GRIN2A: variants seen among roughly 807,000 people sequenced by gnomAD.
GRIN2A encodes glutamate receptor ionotropic, NMDA 2A.
Under a neutral mutation model 113.4 loss-of-function variants are expected in GRIN2A, and 22 were observed. The observed-to-expected ratio is 0.19, with a 90% confidence interval of 0.14 to 0.28. The LOEUF (loss-of-function observed/expected upper bound fraction) is 0.28, where lower values mean the gene tolerates loss of function less well. Ranked by LOEUF, GRIN2A falls within the 10% of genes least tolerant of loss-of-function variation. GRIN2A has a pLI of 1.00. For synonymous variants in GRIN2A, 827 were observed against 738.4 expected, an observed-to-expected ratio of 1.12 and a Z score of -1.94; for missense variants, 1,502 against 1,887.0, an observed-to-expected ratio of 0.80 and a Z score of 3.78.
intron 2 of GRIN2A, among the ~76,000 whole-genome samples, chr16:10,088,830 A>G (rs754106353): frequency 1.3e-5 from 2 of 152,234 alleles, no homozygotes; most frequent in Admixed American, 6.5e-5. Flanking sequence ...GCAAGAAAAG[A>G]TAAGTCAGCA....
chr16:9,953,140 T>C (rs1189211345), intron 2 of GRIN2A, among the ~76,000 whole-genome samples: 2 of 152,170 alleles, frequency 1.3e-5, no homozygotes, highest in Admixed American at 1.3e-4. Flanking sequence ...GAGAAAGATC[T>C]GAACTAGGAT....
At chr16:10,042,395 T>C (rs1047821059) in intron 2 of GRIN2A, among the ~76,000 whole-genome samples, 5 of 151,366 alleles carry the variant, frequency 3.3e-5, no homozygotes, top group Non-Finnish European at 7.4e-5. Context: ...CACGGAGAGG[T>C]TCTCAAAATC....
At chr16:9,964,295 C>T (rs1314490331) in intron 2 of GRIN2A, among the ~76,000 whole-genome samples, 1 of 152,192 alleles carries the variant, frequency 6.6e-6, no homozygotes, top group Non-Finnish European at 1.5e-5. Flanking sequence ...CTGCATCTAC[C>T]ACTTGATAAA....
At chr16:9,819,406 A>G (rs764279951) in intron 10 of GRIN2A, among the ~76,000 whole-genome samples, 20 of 151,920 alleles carry the variant, frequency 1.3e-4, no homozygotes, top group Non-Finnish European at 2.4e-4. Context: ...CTGTAGTCCC[A>G]GCTACTCAGG....
chr16:9,804,998 G>T (rs1326424653), intron 10 of GRIN2A, among the ~76,000 whole-genome samples: 1 of 152,190 alleles, frequency 6.6e-6, no homozygotes, highest in Non-Finnish European at 1.5e-5. Flanking sequence ...CTTATTGACA[G>T]CTCTCAAGAG....
intron 2 of GRIN2A, among the ~76,000 whole-genome samples, chr16:9,941,014 G>A (rs551026782): frequency 1.3e-5 from 2 of 152,296 alleles, no homozygotes; most frequent in South Asian, 4.1e-4. Flanking sequence ...AAAGAAATGT[G>A]ATAGCTCCCA....
chr16:9,823,832 C>T (rs767529073), intron 9 of GRIN2A, among the ~76,000 whole-genome samples: 6 of 152,136 alleles, frequency 3.9e-5, no homozygotes, highest in Non-Finnish European at 8.8e-5. Context: ...CTCTATCATT[C>T]CTCAGAGACC....
At chr16:9,849,424 G>C (rs763358664) in intron 5 of GRIN2A, among the ~76,000 whole-genome samples, 17 of 151,956 alleles carry the variant, frequency 1.1e-4, no homozygotes, top group Non-Finnish European at 2.4e-4. Context: ...TGTGGAGTCA[G>C]TTGGACCACT....
In GRIN2A at chr16:9,969,307, C is replaced by T. The variant is rs116673511; in HGVS notation, c.415-30756G>A. On this transcript the variant is annotated intron_variant, in intron 2 of 12. Coordinates refer to ENST00000330684, the MANE Select transcript of GRIN2A (RefSeq NM_001134407.3). ...CCATTGCTGCCTGAAACATCTTTTTCTCCTTGTCCTTCTCTTATATCCCCC... is the reference window on the plus strand; with the variant it reads ...CCATTGCTGCCTGAAACATCTTTTTTTCCTTGTCCTTCTCTTATATCCCCC... Among the ~76,000 whole-genome samples the T allele has an allele frequency of 6.2e-3, 943 of 152,246 alleles. 13 individuals carry two copies. Among genetic ancestry groups the T allele is most frequent in the African/African-American group, 0.022 (905 of 41,552 alleles).
In GRIN2A at chr16:9,959,030, T is replaced by C. The variant is rs141520577; in HGVS notation, c.415-20479A>G. ...AAATGTTCAGCTTATGCCCCAAATT[T>C]TTACAACCATCTCCCTTTTAAGTCA... On this transcript the variant is annotated intron_variant, in intron 2 of 12. Coordinates refer to ENST00000330684, the MANE Select transcript of GRIN2A (RefSeq NM_001134407.3). Among the ~76,000 whole-genome samples, 11 of 152,278 alleles carry C rather than the reference T, an allele frequency of 7.2e-5. No homozygotes were observed. In the East Asian group the frequency reaches 2.1e-3, roughly 29 times the overall value.
At chr16:10,043,540 G>A (rs1371994071) in intron 2 of GRIN2A, among the ~76,000 whole-genome samples, 1 of 152,030 alleles carries the variant, frequency 6.6e-6, no homozygotes, top group Non-Finnish European at 1.5e-5. Flanking sequence ...CACTATATAT[G>A]GTATTGTTTC....
chr16:10,016,178 A>C (rs1254186266), intron 2 of GRIN2A, among the ~76,000 whole-genome samples: 1 of 150,856 alleles, frequency 6.6e-6, no homozygotes, highest in East Asian at 1.9e-4. Flanking sequence ...AACCCAGGGT[A>C]ATGTAAGAGG....
chr16:9,930,049 A>G (rs1393685259), intron 3 of GRIN2A, among the ~76,000 whole-genome samples: 2 of 152,140 alleles, frequency 1.3e-5, no homozygotes, highest in Non-Finnish European at 1.5e-5. Context: ...ACTTCCAGCC[A>G]TAAAAGGGAG....
At chr16:10,176,566 G>A (rs903702188) in intron 2 of GRIN2A, among the ~76,000 whole-genome samples, 1 of 152,018 alleles carries the variant, frequency 6.6e-6, no homozygotes, top group African/African-American at 2.4e-5. Context: ...GGATGAAGCT[G>A]GAAACCATCA....
At chr16:9,944,993 T>C (rs1374936664) in intron 2 of GRIN2A, among the ~76,000 whole-genome samples, 1 of 151,996 alleles carries the variant, frequency 6.6e-6, no homozygotes, top group Admixed American at 6.6e-5. Flanking sequence ...TTTACATTCT[T>C]AGGGGAGGAG....
intron 11 of GRIN2A, among the ~76,000 whole-genome samples, chr16:9,776,651 T>C (rs149055474): frequency 6.6e-6 from 1 of 152,162 alleles, no homozygotes; most frequent in Non-Finnish European, 1.5e-5. Context: ...GGGAACAGAC[T>C]TCCATCTATA....
chr16:10,066,737 T>C (rs570969689), intron 2 of GRIN2A, among the ~76,000 whole-genome samples: 2 of 152,212 alleles, frequency 1.3e-5, no homozygotes, highest in East Asian at 3.9e-4. Flanking sequence ...ATTGAGAAGG[T>C]TAAATGAGAT....
intron 2 of GRIN2A, among the ~76,000 whole-genome samples, chr16:10,136,208 G>C (rs1450564697): frequency 6.6e-6 from 1 of 152,162 alleles, no homozygotes; most frequent in East Asian, 1.9e-4. Context: ...CTTCTGCTTT[G>C]GAAAGCCAAT....
chr16:9,943,107 A>AG (rs2044926697), intron 2 of GRIN2A: 1 of 152,290 alleles, frequency 6.6e-6, no homozygotes, highest in South Asian at 2.1e-4. Flanking sequence ...TCTTGATGGT[A>AG]GAGGCCACCT....
Sources: gnomAD v4.1 joint callset for allele counts (sites outside exome capture counted in the v4.1 genomes callset) on GRCh38, gnomAD v4.1.1 for gene constraint, MANE v1.5 for transcripts, NCBI Gene and HGNC (gene_info 2026-07-23, HGNC 2026-07-21) for gene names.